The following STAG1 variants were observed in gnomAD, a reference collection of about 807,000 sequenced individuals.
STAG1 encodes the protein STAG1 cohesin complex component.
In STAG1, 26 loss-of-function variants were observed where a neutral mutation model predicts 170.9. That is an observed-to-expected ratio of 0.15 (90% CI 0.11 to 0.21). The LOEUF is 0.21. Ranked by LOEUF, STAG1 falls within the 10% of genes least tolerant of loss-of-function variation. STAG1 has a pLI of 1.00. For missense variants in STAG1, 964 were observed against 1,509.5 expected, an observed-to-expected ratio of 0.64 and a Z score of 5.99; for synonymous variants, 514 against 497.7, an observed-to-expected ratio of 1.03 and a Z score of -0.44.
chr3:136,572,849 T>G (rs971111242), intron 4 of STAG1, among the ~76,000 whole-genome samples: 2 of 152,124 alleles, frequency 1.3e-5, no homozygotes, highest in African/African-American at 2.4e-5. Flanking sequence ...TTTTATAAGC[T>G]TTCATAAAGA....
At chr3:136,627,078 G>A (rs1391114259) in intron 2 of STAG1, among the ~76,000 whole-genome samples, 1 of 152,166 alleles carries the variant, frequency 6.6e-6, no homozygotes. Flanking sequence ...TTCTTCAGCA[G>A]TATTGTTTAT....
At chr3:136,617,124 T>A (rs1163477156) in intron 3 of STAG1, among the ~76,000 whole-genome samples, 4 of 152,160 alleles carry the variant, frequency 2.6e-5, no homozygotes, top group Admixed American at 2.0e-4. Flanking sequence ...TTTAGAATAG[T>A]TAAGAATTTT....
At chr3:136,577,446 C>G (rs185870489) in intron 4 of STAG1, among the ~76,000 whole-genome samples, 1 of 152,332 alleles carries the variant, frequency 6.6e-6, no homozygotes, top group African/African-American at 2.4e-5. Flanking sequence ...ACAGAGAAAT[C>G]TGGTTGGTCC....
intron 1 of STAG1, among the ~76,000 whole-genome samples, chr3:136,668,417 A>T (rs1413208232): frequency 6.8e-6 from 1 of 146,428 alleles, no homozygotes; most frequent in Non-Finnish European, 1.5e-5. Context: ...AATATATATA[A>T]AATATATAAC....
chr3:136,707,178 C>T (rs982378748), intron 1 of STAG1, among the ~76,000 whole-genome samples: 1 of 152,142 alleles, frequency 6.6e-6, no homozygotes, highest in Non-Finnish European at 1.5e-5. Context: ...ACCAAAAGCC[C>T]ATGTACCTAA....
intron 16 of STAG1, among the ~76,000 whole-genome samples, chr3:136,423,983 C>T (rs1396528291): frequency 6.6e-6 from 1 of 151,848 alleles, no homozygotes; most frequent in Admixed American, 6.6e-5. Flanking sequence ...CCTGCATCAG[C>T]CTCCTGAGTA....
intron 1 of STAG1, among the ~76,000 whole-genome samples, chr3:136,737,517 C>T (rs1576832228): frequency 6.6e-6 from 1 of 152,206 alleles, no homozygotes; most frequent in Non-Finnish European, 1.5e-5. Context: ...GGATTACAGG[C>T]ATGGGCCATC....
At chr3:136,514,919 G>A (rs913998929) in intron 7 of STAG1, among the ~76,000 whole-genome samples, 1 of 152,096 alleles carries the variant, frequency 6.6e-6, no homozygotes, top group Non-Finnish European at 1.5e-5. Flanking sequence ...TCGTGGGGTG[G>A]GGGCAGGGGG....
chr3:136,614,943 T>C (rs943823387), intron 3 of STAG1, among the ~76,000 whole-genome samples: 1 of 152,090 alleles, frequency 6.6e-6, no homozygotes, highest in East Asian at 1.9e-4. Context: ...AATTAAAAGA[T>C]AAAGAGATAA....
In STAG1 at chr3:136,477,366, C is replaced by T; in HGVS notation, c.949G>A (p.Val317Ile). Residue 317 changes from valine to isoleucine, a missense_variant, in exon 10 of 34, where the codon GTA (valine) becomes ATA (isoleucine). Around this residue, in one of 11 missense-constraint regions of STAG1, gnomAD observed 57 missense variants for 157.6 expected, o/e 0.36. Coordinates refer to ENST00000383202, the MANE Select transcript of STAG1 (RefSeq NM_005862.3). The part of the protein sequence containing the change: ...IRAICIEEIG[V>I]WMKMYSDAFL... ...GCATCACTATACATTTTCATCCATA[C>T]TCCAATTTCTTCAATACAAATGGCT... 6.2e-7 allele frequency: 1 copy of T among 1,612,906 alleles called. No homozygotes were observed. Among genetic ancestry groups the T allele is most frequent in the Non-Finnish European group, 8.5e-7 (1 of 1,179,590 alleles).
intron 23 of STAG1, among the ~76,000 whole-genome samples, chr3:136,373,655 G>A (rs1480122737): frequency 2.0e-5 from 3 of 152,072 alleles, no homozygotes; most frequent in Admixed American, 6.5e-5. Context: ...GCAGTTGAGC[G>A]GTTTTGAGTG....
At chr3:136,565,258 G>C (rs546252023) in intron 5 of STAG1, among the ~76,000 whole-genome samples, 1 of 152,204 alleles carries the variant, frequency 6.6e-6, no homozygotes, top group South Asian at 2.1e-4. Context: ...ACAACCTAGA[G>C]AGCGGACAAA....
At chr3:136,527,156 G>A (rs1935077359) in intron 6 of STAG1, among the ~76,000 whole-genome samples, 4 of 152,312 alleles carry the variant, frequency 2.6e-5, no homozygotes, top group Non-Finnish European at 5.9e-5. Flanking sequence ...CTAGGTTGGG[G>A]AAGTTCTCCT....
chr3:136,525,038 G>A (rs1280482779), intron 6 of STAG1, among the ~76,000 whole-genome samples: 1 of 152,014 alleles, frequency 6.6e-6, no homozygotes, highest in Non-Finnish European at 1.5e-5. Flanking sequence ...TTCATCAGGG[G>A]TATTGATCTA....
intron 13 of STAG1, among the ~76,000 whole-genome samples, chr3:136,460,548 G>A (rs778002241): frequency 3.3e-5 from 5 of 152,132 alleles, no homozygotes; most frequent in Non-Finnish European, 5.9e-5. Context: ...GTTGCAGTAA[G>A]CCGAGACTGT....
rs1221412128 is a variant in STAG1 at position 136,368,628 on chromosome 3, T to C, written c.2545+480A>G. Among the ~76,000 whole-genome samples the C allele has an allele frequency of 2.0e-5, 3 of 152,150 alleles. No homozygotes were observed. The East Asian group carries it at 5.8e-4, about 29-fold the overall frequency. On this transcript the variant is annotated intron_variant, in intron 24 of 33. Coordinates refer to ENST00000383202, the MANE Select transcript of STAG1 (RefSeq NM_005862.3). ...CACCATAGTTTGTAATAGTTGAAGA[T>C]TGGAAACTAGCCATATGTCAATCTG... is the stretch of plus-strand genomic sequence containing the variant.
intron 22 of STAG1, among the ~76,000 whole-genome samples, chr3:136,383,972 A>AAAC (rs1553797759): frequency 3.3e-4 from 48 of 147,414 alleles, no homozygotes; most frequent in Non-Finnish European, 5.8e-4. Context: ...AAAAAAAAAA[A>AAAC]AGAAACAGAA....
intron 1 of STAG1, among the ~76,000 whole-genome samples, chr3:136,701,636 G>GA (rs922821986): frequency 4.6e-5 from 7 of 152,060 alleles, no homozygotes; most frequent in East Asian, 1.9e-4. Flanking sequence ...TTTCTCAACT[G>GA]AAAAAATCAA....
At chr3:136,518,601 A>G (rs778659871) in intron 7 of STAG1, among the ~76,000 whole-genome samples, 10 of 152,138 alleles carry the variant, frequency 6.6e-5, no homozygotes, top group Non-Finnish European at 1.2e-4. Context: ...GCTATGTCTC[A>G]CATTTTATAC....
Sources: allele counts gnomAD v4.1 joint callset (sites outside exome capture counted in the v4.1 genomes callset), GRCh38; gene constraint gnomAD v4.1.1; regional missense constraint gnomAD v4.1.1; transcripts MANE v1.5; gene names NCBI Gene and HGNC (gene_info 2026-07-23, HGNC 2026-07-21).